KSR2: variants seen among roughly 807,000 people sequenced by gnomAD.
The protein encoded by KSR2 is kinase suppressor of ras 2.
In KSR2, 25 loss-of-function variants were observed where a neutral mutation model predicts 107.8. That is an observed-to-expected ratio of 0.23 (90% CI 0.17 to 0.32). The LOEUF is 0.32. Among genes scored for constraint, KSR2 ranks in the 10% least tolerant of loss-of-function variants. KSR2 has a pLI of 1.00. For missense variants in KSR2, 887 were observed against 1,268.9 expected (o/e 0.70, Z 4.57); for synonymous variants, 480 against 507.0 (o/e 0.95, Z 0.71).
chr12:117,829,877 C>T (rs1891895300), intron 3 of KSR2, among the ~76,000 whole-genome samples: 1 of 152,242 alleles, frequency 6.6e-6, no homozygotes, highest in African/African-American at 2.4e-5. Context: ...CAGACAGGCT[C>T]ATGCTTAGCA....
intron 1 of KSR2, among the ~76,000 whole-genome samples, chr12:117,866,420 CT>C (rs1472745389): frequency 6.6e-6 from 1 of 152,210 alleles, no homozygotes. Flanking sequence ...TTTCATGACA[CT>C]TGTGTTACAT....
At chr12:117,568,302 G>T (rs1476234222) in intron 7 of KSR2, among the ~76,000 whole-genome samples, 1 of 152,172 alleles carries the variant, frequency 6.6e-6, no homozygotes, top group Non-Finnish European at 1.5e-5. Flanking sequence ...TTCAATTCAA[G>T]AAAGGATGAT....
chr12:117,948,684 A>T (rs1896269502), intron 1 of KSR2, among the ~76,000 whole-genome samples: 1 of 152,202 alleles, frequency 6.6e-6, no homozygotes. Flanking sequence ...TGGTGTAGAA[A>T]AAAATTGTAC....
chr12:117,873,264 G>A (rs1893710027), intron 1 of KSR2, among the ~76,000 whole-genome samples: 1 of 149,968 alleles, frequency 6.7e-6, no homozygotes, highest in Admixed American at 6.7e-5. Context: ...AGAATTGCTT[G>A]AACCCGGGAG....
chr12:117,764,296 T>G (rs1433173328), intron 3 of KSR2, among the ~76,000 whole-genome samples: 1 of 152,036 alleles, frequency 6.6e-6, no homozygotes, highest in Non-Finnish European at 1.5e-5. Context: ...AATGGTTCAT[T>G]GTCTGTTTTC....
At chr12:117,569,531 A>G (rs74874362) in intron 7 of KSR2, among the ~76,000 whole-genome samples, 2,014 of 152,318 alleles carry the variant, frequency 0.013, 38 homozygotes, top group African/African-American at 0.045. Flanking sequence ...TTACCTTACT[A>G]GGGGAACGAA....
At chr12:117,632,913 C>T (rs548083293) in intron 5 of KSR2, among the ~76,000 whole-genome samples, 1 of 152,250 alleles carries the variant, frequency 6.6e-6, no homozygotes, top group East Asian at 1.9e-4. Flanking sequence ...CGTACATGTA[C>T]CACATTTTCT....
chr12:117,806,931 A>G (rs773187521), intron 3 of KSR2, among the ~76,000 whole-genome samples: 26 of 152,220 alleles, frequency 1.7e-4, no homozygotes, highest in Non-Finnish European at 3.7e-4. Context: ...GGCCTCAAGA[A>G]CAAGCCTCTC....
At chr12:117,488,650 G>A (rs1303358480) in intron 14 of KSR2, among the ~76,000 whole-genome samples, 1 of 151,948 alleles carries the variant, frequency 6.6e-6, no homozygotes, top group Non-Finnish European at 1.5e-5. Flanking sequence ...GCTAGCACTG[G>A]ATCTTTGACT....
At chr12:117,798,815 C>T (rs1890731092) in intron 3 of KSR2, among the ~76,000 whole-genome samples, 1 of 151,548 alleles carries the variant, frequency 6.6e-6, no homozygotes. Flanking sequence ...TCACAACAGC[C>T]CAAAAGAAGA....
At chr12:117,958,774 T>C (rs945047847) in intron 1 of KSR2, among the ~76,000 whole-genome samples, 1 of 152,120 alleles carries the variant, frequency 6.6e-6, no homozygotes, top group Non-Finnish European at 1.5e-5. Flanking sequence ...TGAGCGGAGA[T>C]CACGCCACTG....
chr12:117,726,037 G>A (rs543355192), intron 4 of KSR2, among the ~76,000 whole-genome samples: 7 of 151,942 alleles, frequency 4.6e-5, no homozygotes, highest in South Asian at 2.1e-4. Context: ...GTGTGGTGGC[G>A]CACACCTGTA....
At chr12:117,947,076 G>A (rs1896201036) in intron 1 of KSR2, among the ~76,000 whole-genome samples, 1 of 151,806 alleles carries the variant, frequency 6.6e-6, no homozygotes, top group South Asian at 2.1e-4. Flanking sequence ...GCTGAGGCAA[G>A]AGAATCACTT....
chr12:117,936,064 T>G (rs1283700050), intron 1 of KSR2, among the ~76,000 whole-genome samples: 1 of 151,776 alleles, frequency 6.6e-6, no homozygotes. Flanking sequence ...TGAGACAGGG[T>G]CTTTCTCTGT....
At chr12:117,881,881 G>A (rs957116440) in intron 1 of KSR2, among the ~76,000 whole-genome samples, 1 of 152,206 alleles carries the variant, frequency 6.6e-6, no homozygotes, top group Admixed American at 6.5e-5. Flanking sequence ...AATATTTCTT[G>A]AGGTTGTGAG....
chr12:117,526,997 CA>C, intron 13 of KSR2, 73 bp downstream of exon 13: 1 of 1,307,238 alleles, frequency 7.6e-7, no homozygotes, highest in Non-Finnish European at 1.1e-6. Flanking sequence ...CTGCGTCATC[CA>C]AAACGTCAGT....
At chr12:117,581,069 T>C (rs558609204) in intron 6 of KSR2, among the ~76,000 whole-genome samples, 3 of 152,332 alleles carry the variant, frequency 2.0e-5, no homozygotes, top group South Asian at 2.1e-4. Context: ...GGCCTGACCA[T>C]TGACGTGTCT....
chr12:117,884,692 A>C (rs919391924), intron 1 of KSR2, among the ~76,000 whole-genome samples: 1 of 152,232 alleles, frequency 6.6e-6, no homozygotes, highest in Non-Finnish European at 1.5e-5. Context: ...AGAGCATTAC[A>C]AACTCAAGTT....
chr12:117,722,073 C>T (rs768528634), intron 4 of KSR2, among the ~76,000 whole-genome samples: 2 of 151,968 alleles, frequency 1.3e-5, no homozygotes, highest in Non-Finnish European at 2.9e-5. Context: ...TTAAGGGTCT[C>T]GCTATGTTGC....
Sources: gnomAD v4.1 joint callset for allele counts (sites outside exome capture counted in the v4.1 genomes callset) on GRCh38, gnomAD v4.1.1 for gene constraint, MANE v1.5 for transcripts, NCBI Gene and HGNC (gene_info 2026-07-23, HGNC 2026-07-21) for gene names.